Variants in PARD3B observed in about 807,000 individuals in gnomAD.
The protein encoded by PARD3B is par-3 family cell polarity regulator beta.
Under a neutral mutation model 130.2 loss-of-function variants are expected in PARD3B, and 103 were observed. That is an observed-to-expected ratio of 0.79 (90% CI 0.67 to 0.93). The LOEUF (loss-of-function observed/expected upper bound fraction) is 0.93. Among genes scored for constraint, PARD3B ranks in the 40% least tolerant of loss-of-function variants. The pLI is 0.00. For synonymous variants in PARD3B, 583 were observed against 553.2 expected, an observed-to-expected ratio of 1.05 and a Z score of -0.76; for missense variants, 1,609 against 1,499.2, an observed-to-expected ratio of 1.07 and a Z score of -1.21.
chr2:205,484,429 T>A (rs533479944), intron 20 of PARD3B, among the ~76,000 whole-genome samples: 1 of 152,306 alleles, frequency 6.6e-6, no homozygotes, highest in South Asian at 2.1e-4. Context: ...AACAAGGGGC[T>A]GGGCAAGGAA....
chr2:205,485,378 C>A (rs1226335311), intron 20 of PARD3B, among the ~76,000 whole-genome samples: 2 of 152,162 alleles, frequency 1.3e-5, no homozygotes, highest in East Asian at 3.9e-4. Flanking sequence ...TCCCCCATCT[C>A]CAGTGGCCCT....
At chr2:205,070,256 T>A (rs1280059033) in intron 4 of PARD3B, among the ~76,000 whole-genome samples, 3 of 152,162 alleles carry the variant, frequency 2.0e-5, no homozygotes, top group African/African-American at 7.2e-5. Context: ...TTTTTAATAT[T>A]GTAAATATAA....
chr2:204,878,920 G>A (rs927346589), intron 2 of PARD3B, among the ~76,000 whole-genome samples: 1 of 151,944 alleles, frequency 6.6e-6, no homozygotes, highest in African/African-American at 2.4e-5. Context: ...AGTTATGTAG[G>A]TTTACAAGAT....
intron 3 of PARD3B, among the ~76,000 whole-genome samples, chr2:204,993,027 G>A (rs1426116081): frequency 1.5e-4 from 10 of 65,550 alleles, no homozygotes; most frequent in African/African-American, 5.9e-4. Flanking sequence ...TCTGCAAACA[G>A]GGACAATTTG....
chr2:204,895,689 C>A (rs1377671506), intron 2 of PARD3B, among the ~76,000 whole-genome samples: 1 of 152,072 alleles, frequency 6.6e-6, no homozygotes, highest in African/African-American at 2.4e-5. Context: ...TGTGCTTTAT[C>A]TTTAGGATAT....
At chr2:205,114,560 C>T (rs1464278439) in intron 6 of PARD3B, among the ~76,000 whole-genome samples, 1 of 152,074 alleles carries the variant, frequency 6.6e-6, no homozygotes, top group Non-Finnish European at 1.5e-5. Context: ...TCCAGCTCTC[C>T]TAACTTCTCA....
At chr2:205,267,837 C>T (rs1342509860) in intron 16 of PARD3B, among the ~76,000 whole-genome samples, 1 of 152,148 alleles carries the variant, frequency 6.6e-6, no homozygotes, top group African/African-American at 2.4e-5. Flanking sequence ...GCATGTCCTT[C>T]AGTCTGATGT....
intron 16 of PARD3B, among the ~76,000 whole-genome samples, chr2:205,289,738 T>G (rs2041532219): frequency 6.6e-6 from 1 of 152,134 alleles, no homozygotes; most frequent in Non-Finnish European, 1.5e-5. Context: ...ATTCATGGAT[T>G]GATGGATTAA....
chr2:204,747,174 C>G (rs2040270273), intron 2 of PARD3B, among the ~76,000 whole-genome samples: 1 of 152,050 alleles, frequency 6.6e-6, no homozygotes, highest in Non-Finnish European at 1.5e-5. Flanking sequence ...AGGAAGGGAT[C>G]CAGTTTCAGC....
At position 204,967,921 on chromosome 2, in the gene PARD3B, G is replaced by A. The variant is rs777583457; in HGVS notation, c.394+2598G>A. Among the ~76,000 whole-genome samples the A allele has an allele frequency of 6.6e-6, 1 of 152,126 alleles. No individual in the cohort carries two copies. Among genetic ancestry groups the A allele is most frequent in the Non-Finnish European group, 1.5e-5 (1 of 68,024 alleles). Reference sequence around the variant, plus strand: ...GCTTAGGTGAAGAATGGGAGGGGCGGTGAGAGGAGTTTTGCAGCACCTGTG... The same window carrying A: ...GCTTAGGTGAAGAATGGGAGGGGCGATGAGAGGAGTTTTGCAGCACCTGTG... On this transcript the variant is annotated intron_variant, in intron 3 of 22. Coordinates refer to ENST00000406610, the MANE Select transcript of PARD3B (RefSeq NM_001302769.2). This position sits in a 1 kb window ranked among gnomAD's most constrained non-coding sequence, Gnocchi z 4.4.
In PARD3B at chr2:204,845,675, G is replaced by A. The variant is rs184890192; in HGVS notation, c.223-119477G>A. Among the ~76,000 whole-genome samples, 525 of 152,106 alleles carry A rather than the reference G, an allele frequency of 3.5e-3. 3 individuals are homozygous for A. Among genetic ancestry groups the A allele is most frequent in the Non-Finnish European group, 5.6e-3 (384 of 67,976 alleles). On this transcript the variant is annotated intron_variant, in intron 2 of 22. Coordinates refer to ENST00000406610, the MANE Select transcript of PARD3B (RefSeq NM_001302769.2). ...TCAATTCTGAGAACCTTACATAGGA[G>A]ACCCCAACCTCTACATAGGTTACAA...
At chr2:205,372,420 G>A (rs73982898) in intron 18 of PARD3B, among the ~76,000 whole-genome samples, 1,778 of 152,240 alleles carry the variant, frequency 0.012, 33 homozygotes, top group African/African-American at 0.041. Context: ...TGGTGACTGT[G>A]ACTAATGACT....
chr2:205,227,814 T>C (rs1021334823), intron 15 of PARD3B, among the ~76,000 whole-genome samples: 1 of 152,194 alleles, frequency 6.6e-6, no homozygotes, highest in Non-Finnish European at 1.5e-5. Flanking sequence ...TCTGGTGGTA[T>C]GATTTAATTT....
rs946176211 is a variant in PARD3B, at chr2:205,172,820, C to T, written c.1791+439C>T. Among the ~76,000 whole-genome samples, 3 of 152,146 alleles carry T rather than the reference C, an allele frequency of 2.0e-5. No individual in the cohort carries two copies. The East Asian group carries it at 5.8e-4, about 29-fold the overall frequency. On this transcript the variant is annotated intron_variant, in intron 12 of 22. Transcript: ENST00000406610. ...CAGACCTGAGACTTAACTAATTTAA[C>T]ATTTGATTTATTAAACAAGCTGCTT...
At chr2:205,109,146 G>A (rs1304909496) in intron 5 of PARD3B, among the ~76,000 whole-genome samples, 2 of 152,150 alleles carry the variant, frequency 1.3e-5, no homozygotes, top group East Asian at 3.9e-4. Context: ...GAAGTAAGTG[G>A]ATCTCATCAC....
chr2:204,653,353 T>C (rs1414565584), intron 1 of PARD3B, among the ~76,000 whole-genome samples: 2 of 151,188 alleles, frequency 1.3e-5, no homozygotes, highest in African/African-American at 4.9e-5. Context: ...AGATATACTT[T>C]TAAAACGTTA....
chr2:205,076,425 A>C (rs1701066699), intron 4 of PARD3B, among the ~76,000 whole-genome samples: 1 of 152,202 alleles, frequency 6.6e-6, no homozygotes, highest in Non-Finnish European at 1.5e-5. Context: ...CATTTCAATA[A>C]ATGTTATCTT....
At chr2:205,168,990 G>A (rs1258642853) in intron 11 of PARD3B, among the ~76,000 whole-genome samples, 1 of 152,104 alleles carries the variant, frequency 6.6e-6, no homozygotes, top group South Asian at 2.1e-4. Flanking sequence ...CCTAATAGGT[G>A]TTCGATAAAT....
chr2:204,683,615 T>C (rs913795602), intron 1 of PARD3B, among the ~76,000 whole-genome samples: 6 of 152,190 alleles, frequency 3.9e-5, no homozygotes, highest in African/African-American at 1.4e-4. Context: ...TGTGGTTTAT[T>C]GACATTTTGC....
Sources: gnomAD v4.1 joint callset for allele counts (sites outside exome capture counted in the v4.1 genomes callset) on GRCh38, gnomAD v4.1.1 for gene constraint, Gnocchi (gnomAD v3.1) non-coding constraint, MANE v1.5 for transcripts, NCBI Gene and HGNC (gene_info 2026-07-23, HGNC 2026-07-21) for gene names.